ANKRD46: variants seen among roughly 807,000 people sequenced by gnomAD.
ANKRD46 encodes ankyrin repeat domain 46, also known as ankyrin repeat domain-containing protein 46.
A neutral mutation model predicts 19.8 loss-of-function variants in ANKRD46; 13 were observed. That is an observed-to-expected ratio of 0.66 (90% CI 0.43 to 1.04). The LOEUF (loss-of-function observed/expected upper bound fraction) is 1.04, where lower values mean the gene tolerates loss of function less well. Among genes scored for constraint, ANKRD46 ranks in the 50% least tolerant of loss-of-function variants. ANKRD46 has a pLI of 0.00. For missense variants in ANKRD46, 185 were observed against 274.8 expected (o/e 0.67, Z 2.31); for synonymous variants, 91 against 106.9 (o/e 0.85, Z 0.92).
chr8:100,515,136 T>C (rs547255005), intron 5 of ANKRD46, among the ~76,000 whole-genome samples: 22 of 152,346 alleles, frequency 1.4e-4, no homozygotes, highest in African/African-American at 4.8e-4. Flanking sequence ...AAAGGCATTT[T>C]ATAATCCCAG....
chr8:100,555,551 G>A (rs1384046389), intron 1 of ANKRD46, among the ~76,000 whole-genome samples: 1 of 149,846 alleles, frequency 6.7e-6, no homozygotes, highest in East Asian at 1.9e-4. Context: ...AAGCAGTAAG[G>A]AAATCAGTGA....
At position 100,527,637 on chromosome 8, in the gene ANKRD46, C is replaced by A. The variant is rs1340452372; in HGVS notation, c.470+208G>T. 1.3e-5 allele frequency among the ~76,000 whole-genome samples: 2 copies of A among 152,138 alleles called. No homozygotes were observed. The highest frequency in any genetic ancestry group is 4.8e-5 in the African/African-American group (2 of 41,430). ...ATAAAGTTCAAGTTGCACTTAAAAG[C>A]AAATGAATATTAAAGTTCACAAAGT... is the stretch of plus-strand genomic sequence containing the variant. On this transcript the variant is annotated intron_variant, in intron 4 of 4. Transcript: ENST00000335659. The surrounding 1 kb of genome is among the most constrained non-coding windows in gnomAD (Gnocchi z 4.0).
At position 100,546,284 on chromosome 8, in the gene ANKRD46, T is replaced by C. The variant is rs1199524096; in HGVS notation, c.-130-12973A>G. On this transcript the variant is annotated intron_variant, in intron 1 of 4. Transcript: ENST00000335659. The surrounding 1 kb of genome is among the most constrained non-coding windows in gnomAD (Gnocchi z 4.0). ...GCCACAAGGCCTAGGAGGGAAAAAA[T>C]GGTTTTGTGGGCTGGGATCAGGCCC... 6.6e-6 allele frequency among the ~76,000 whole-genome samples: 1 copy of C among 151,862 alleles called. No homozygotes were observed. Among genetic ancestry groups the C allele is most frequent in the African/African-American group, 2.4e-5 (1 of 41,328 alleles).
At position 100,521,623 on chromosome 8, in the gene ANKRD46, T is replaced by G; in HGVS notation, c.*932A>C. 1 of 985,444 alleles carries G rather than the reference T, an allele frequency of 1.0e-6. No individual in the cohort carries two copies. Among genetic ancestry groups the G allele is most frequent in the Non-Finnish European group, 1.2e-6 (1 of 829,928 alleles). The allele number at this position is 985,444 out of a possible 1,614,324, so 61.0% of individuals were successfully genotyped here. A position where few individuals can be genotyped will look rare whatever the true frequency, so the allele number is the denominator to read the frequency against. ...GGATTGTTAAAAGTCTAACAGGGCC[T>G]CCAAATAGGATTGCACATGAAATAA... On this transcript the variant is annotated 3_prime_UTR_variant, in exon 5 of 5. Coordinates refer to ENST00000335659, the MANE Select transcript of ANKRD46 (RefSeq NM_001270377.2).
chr8:100,513,630 TG>T (rs1469334675), intron 5 of ANKRD46, among the ~76,000 whole-genome samples: 3 of 152,238 alleles, frequency 2.0e-5, no homozygotes, highest in African/African-American at 7.2e-5. Flanking sequence ...CAAATAAATT[TG>T]GATTGTTCAA....
chr8:100,539,818 G>A (rs892400991), intron 1 of ANKRD46, among the ~76,000 whole-genome samples: 4 of 152,164 alleles, frequency 2.6e-5, no homozygotes, highest in African/African-American at 9.7e-5. Context: ...GGAGGCCAAG[G>A]TGGGAGGATT....
At chr8:100,553,216 C>T (rs1812427991) in intron 1 of ANKRD46, among the ~76,000 whole-genome samples, 1 of 152,160 alleles carries the variant, frequency 6.6e-6, no homozygotes, top group South Asian at 2.1e-4. Flanking sequence ...TGTGGGAAAA[C>T]TTTTATAAGC....
At position 100,544,808 on chromosome 8, in the gene ANKRD46, T is replaced by C. The variant is rs183192920; in HGVS notation, c.-130-11497A>G. Among the ~76,000 whole-genome samples the C allele has an allele frequency of 1.2e-4, 19 of 152,322 alleles. No homozygotes were observed. The highest frequency in any genetic ancestry group is 7.3e-5 in the Non-Finnish European group (5 of 68,034). On this transcript the variant is annotated intron_variant, in intron 1 of 4. Coordinates refer to ENST00000335659, the MANE Select transcript of ANKRD46 (RefSeq NM_001270377.2). The surrounding 1 kb of genome is among the most constrained non-coding windows in gnomAD (Gnocchi z 4.4). ...TGCTATATATTTTTTCTTAGTTTCT[T>C]ATTCCACATCTTGGTAACAAGTAAA...
chr8:100,551,420 G>C (rs1812387791), intron 1 of ANKRD46: 2 of 632,310 alleles, frequency 3.2e-6, no homozygotes, highest in Non-Finnish European at 6.0e-6. Flanking sequence ...GAAGATGCCA[G>C]TGGACTCCAC....
intron 4 of ANKRD46, 93 bp from the exon 5 acceptor site, chr8:100,522,864 T>TACACACACACACACACAC (rs199938933): frequency 1.7e-6 from 1 of 577,372 alleles, no homozygotes; most frequent in African/African-American, 2.0e-5. Flanking sequence ...AAAGACCAAA[T>TACACACACACACACACAC]ACACACACAC....
In ANKRD46 at chr8:100,510,633, T is replaced by C; in HGVS notation, c.643A>G (p.Thr215Ala). Residue 215 changes from threonine to alanine, a missense_variant, in exon 6 of 6, where the codon ACA becomes GCA. Thr to Ala is a moderately conservative substitution (Grantham distance 58). Coordinates refer to the ANKRD46 transcript ENST00000520552. The surrounding 1 kb of genome is among the most constrained non-coding windows in gnomAD (Gnocchi z 4.9). ...CTTGCAAAGCTTCCAAGCCTCAGTG[T>C]CCTTCTCTGTAAATGTGGGGAAGAC... is the stretch of plus-strand genomic sequence containing the variant. The C allele has an allele frequency of 2.0e-6, 3 of 1,534,860 alleles. No homozygotes were observed. Among genetic ancestry groups the C allele is most frequent in the Non-Finnish European group, 1.7e-6 (2 of 1,146,296 alleles).
At chr8:100,551,652 C>A (rs188669752) in intron 1 of ANKRD46, 147 of 690,658 alleles carry the variant, frequency 2.1e-4, no homozygotes, top group Non-Finnish European at 3.5e-4. Flanking sequence ...TTAAAAGCAG[C>A]CCTGGTGACC....
At chr8:100,539,080 G>C (rs1367504869) in intron 1 of ANKRD46, among the ~76,000 whole-genome samples, 1 of 152,204 alleles carries the variant, frequency 6.6e-6, no homozygotes, top group Non-Finnish European at 1.5e-5. Flanking sequence ...CCGGTGAATA[G>C]TTTTACTGTG....
chr8:100,555,337 A>G (rs1586806517), intron 1 of ANKRD46, among the ~76,000 whole-genome samples: 1 of 151,864 alleles, frequency 6.6e-6, no homozygotes, highest in Non-Finnish European at 1.5e-5. Flanking sequence ...GGTGCACTAG[A>G]TCTACATGAA....
intron 1 of ANKRD46, among the ~76,000 whole-genome samples, chr8:100,535,302 G>C (rs1170629633): frequency 2.0e-5 from 3 of 152,070 alleles, no homozygotes; most frequent in Admixed American, 2.0e-4. Flanking sequence ...TTGTCCAATG[G>C]GTGAAGAGGA....
Position 100,529,995 on chromosome 8 carries a change from A to C in ANKRD46, c.-27-135T>G. ...AATAAATGACCAAACAGAAACAACA[A>C]CAAAGTTATCAATTGTATTTTATTT... On this transcript the variant is annotated intron_variant, in intron 2 of 4. Transcript: ENST00000335659. The surrounding 1 kb of genome is among the most constrained non-coding windows in gnomAD (Gnocchi z 5.8). 2 of 595,326 alleles carry C rather than the reference A, an allele frequency of 3.4e-6. No homozygotes were observed. The highest frequency in any genetic ancestry group is 2.5e-5 in the South Asian group (1 of 40,026). The allele number at this position is 595,326 out of a possible 1,614,324, so 36.9% of individuals were successfully genotyped here.
chr8:100,521,791 CTG>C lies in ANKRD46; in HGVS notation c.*762_*763del, dbSNP rs1312394536. On this transcript the variant is annotated 3_prime_UTR_variant, in exon 5 of 5. Coordinates refer to ENST00000335659, the MANE Select transcript of ANKRD46 (RefSeq NM_001270377.2). ...ATTCAGTAGAAAAAGGATTTTCTGA[CTG>C]TAATTCTGATGAACTGTTATCTTTG... is the stretch of plus-strand genomic sequence containing the variant. The C allele has an allele frequency of 4.1e-6, 4 of 985,212 alleles. No individual in the cohort carries two copies. The highest frequency in any genetic ancestry group is 3.6e-6 in the Non-Finnish European group (3 of 829,870). The allele number at this position is 985,212 out of a possible 1,614,324, so 61.0% of individuals were successfully genotyped here.
rs1563496046 is a variant in ANKRD46 at position 100,559,081 on chromosome 8, C to A, written c.-131+630G>T. ...CAATTCCGAATACCGTGGAACGTTA[C>A]AAAAAACAGATGTTATTTTCTTGAG... On this transcript the variant is annotated intron_variant, in intron 1 of 4. Transcript: ENST00000335659. This position sits in a 1 kb window ranked among gnomAD's most constrained non-coding sequence, Gnocchi z 6.0. 6.6e-6 allele frequency: 1 copy of A among 152,108 alleles called. No individual in the cohort carries two copies. Among genetic ancestry groups the A allele is most frequent in the East Asian group, 1.9e-4 (1 of 5,194 alleles). The allele number at this position is 152,108 out of a possible 1,614,324, so 9.4% of individuals were successfully genotyped here.
Position 100,522,245 on chromosome 8 carries a change from C to T in ANKRD46, c.*310G>A, listed in dbSNP as rs113249311. The T allele has an allele frequency of 8.0e-6, 9 of 1,127,412 alleles. No homozygotes were observed. Among genetic ancestry groups the T allele is most frequent in the African/African-American group, 6.3e-5 (4 of 63,080 alleles). 69.8% of individuals were successfully genotyped at this position (1,127,412 alleles called of 1,614,324 possible). A position where few individuals can be genotyped will look rare whatever the true frequency, so the allele number is the denominator to read the frequency against. ...TAGGATAAGGTTTTGATAGCAAGGA[C>T]TTCCTAGCTTCTTCCTTTATCTTCC... On this transcript the variant is annotated 3_prime_UTR_variant, in exon 5 of 5. Transcript: ENST00000335659.
Sources: gnomAD v4.1 joint callset for allele counts (sites outside exome capture counted in the v4.1 genomes callset) on GRCh38, gnomAD v4.1.1 for gene constraint, Gnocchi (gnomAD v3.1) non-coding constraint, MANE v1.5 for transcripts, NCBI Gene and HGNC (gene_info 2026-07-23, HGNC 2026-07-21) for gene names.